Variants in ZFYVE26 observed in about 807,000 individuals in gnomAD.
ZFYVE26 encodes the protein zinc finger FYVE domain-containing protein 26.
Under a neutral mutation model 276.5 loss-of-function variants are expected in ZFYVE26, and 181 were observed. The ratio of observed to expected loss-of-function variants is 0.65; its 90% confidence interval spans 0.58 to 0.74. The LOEUF (loss-of-function observed/expected upper bound fraction) is 0.74, where lower values mean the gene tolerates loss of function less well. ZFYVE26 is among the 30% of genes least tolerant of loss of function. ZFYVE26 has a pLI of 0.00. For missense variants in ZFYVE26, 2,821 were observed against 3,097.9 expected (o/e 0.91, Z 2.12); for synonymous variants, 1,129 against 1,203.1 (o/e 0.94, Z 1.27).
intron 3 of ZFYVE26, among the ~76,000 whole-genome samples, chr14:67,811,076 A>G (rs1010803245): frequency 5.9e-5 from 9 of 152,210 alleles, no homozygotes; most frequent in Non-Finnish European, 1.2e-4. Context: ...GAATGCTTGT[A>G]TAATGCCTGT....
chr14:67,807,823 A>T lies in ZFYVE26; in HGVS notation c.461T>A (p.Val154Asp). ...CCTCAGGAGATCCCAGAGCACAGAGACAGCTTCGGAGCTGAGACGAGGAGT... is the reference window on the plus strand; with the variant it reads ...CCTCAGGAGATCCCAGAGCACAGAGTCAGCTTCGGAGCTGAGACGAGGAGT... ...SWTPRLSSEA[V>D]SVLWDLLRQS... is the part of the protein sequence containing the mutation. Residue 154 changes from valine (V) to aspartate (D), a missense_variant, in exon 5 of 42, where the codon GTC becomes GAC. Coordinates refer to ENST00000347230, the MANE Select transcript of ZFYVE26 (RefSeq NM_015346.4). 1 of 1,614,046 alleles carries T rather than the reference A, an allele frequency of 6.2e-7. No individual in the cohort carries two copies.
At chr14:67,815,603 G>A (rs1285829986) in intron 2 of ZFYVE26, 167 bp downstream of exon 2, 2 of 706,340 alleles carry the variant, frequency 2.8e-6, no homozygotes, top group Admixed American at 2.1e-5. Context: ...TATTGACTAA[G>A]TAATGGATGT....
At chr14:67,754,944 A>G in intron 37 of ZFYVE26, 107 bp downstream of exon 37, 1 of 1,306,542 alleles carries the variant, frequency 7.7e-7, no homozygotes, top group Non-Finnish European at 1.1e-6. Flanking sequence ...TTCCCTTTAG[A>G]TTTTTTTTCA....
At chr14:67,779,287 G>A (rs1183735111) in intron 23 of ZFYVE26, among the ~76,000 whole-genome samples, 1 of 152,202 alleles carries the variant, frequency 6.6e-6, no homozygotes, top group Non-Finnish European at 1.5e-5. Context: ...AAGGGGCCAG[G>A]TGCTGTAGCT....
intron 12 of ZFYVE26, chr14:67,797,321 A>T (rs2039974795): frequency 3.0e-6 from 1 of 328,758 alleles, no homozygotes; most frequent in African/African-American, 2.1e-5. Flanking sequence ...GGTGTTTCTG[A>T]CAATGGAATA....
At chr14:67,816,144 C>T (rs1298668836) in intron 1 of ZFYVE26, 98 bp from the exon 2 acceptor site, 2 of 573,368 alleles carry the variant, frequency 3.5e-6, no homozygotes, top group Non-Finnish European at 6.1e-6. Context: ...GACTTGCTTG[C>T]CTAAGTATCG....
chr14:67,748,758 C>T (rs1008400456), intron 41 of ZFYVE26, 119 bp from the exon 42 acceptor site: 5 of 984,170 alleles, frequency 5.1e-6, no homozygotes, highest in Non-Finnish European at 7.9e-6. Context: ...ACGTTCATAA[C>T]AGGATTCATG....
chr14:67,777,762 G>A (rs372252258), intron 24 of ZFYVE26, 27 bp from the exon 25 acceptor site: 49 of 1,613,750 alleles, frequency 3.0e-5, no homozygotes, highest in Non-Finnish European at 4.0e-5. Flanking sequence ...GAGGAGGAAG[G>A]TGTGGCCTGC....
At chr14:67,796,253 G>A (rs2039950338) in intron 12 of ZFYVE26, 1 of 144,996 alleles carries the variant, frequency 6.9e-6, no homozygotes, top group African/African-American at 2.6e-5. Context: ...TTCTCACTCT[G>A]TCACCCAGGC....
At chr14:67,764,838 G>A (rs1364207970) in intron 32 of ZFYVE26, among the ~76,000 whole-genome samples, 1 of 152,130 alleles carries the variant, frequency 6.6e-6, no homozygotes, top group African/African-American at 2.4e-5. Context: ...CTGCTGCCCT[G>A]AGCCTAAAAA....
chr14:67,813,914 G>A (rs183269488), intron 3 of ZFYVE26, 72 bp downstream of exon 3: 1 of 1,076,532 alleles, frequency 9.3e-7, no homozygotes, highest in Admixed American at 1.8e-5. Context: ...AGACAGAAGG[G>A]AAATCCCACA....
chr14:67,811,956 CAT>C (rs1490549205), intron 3 of ZFYVE26, among the ~76,000 whole-genome samples: 11 of 142,018 alleles, frequency 7.7e-5, no homozygotes, highest in Non-Finnish European at 1.4e-4. Context: ...TTACATATAA[CAT>C]ATTATATATG....
chr14:67,768,552 A>C lies in ZFYVE26; in HGVS notation c.5622-4T>G. 5.6e-6 allele frequency: 9 copies of C among 1,614,092 alleles called. No homozygotes were observed. Among genetic ancestry groups the C allele is most frequent in the Non-Finnish European group, 7.6e-6 (9 of 1,179,946 alleles). On this transcript the variant is annotated splice_region_variant and splice_polypyrimidine_tract_variant and intron_variant, in intron 29 of 41. Transcript: ENST00000347230. ...TTCTGAAGGCTCCTCTGGTACACTG[A>C]AAACAGAGAAAGAAAAATTATTAAA...
At chr14:67,800,855 G>A (rs1373476374) in intron 10 of ZFYVE26, among the ~76,000 whole-genome samples, 1 of 151,838 alleles carries the variant, frequency 6.6e-6, no homozygotes, top group African/African-American at 2.4e-5. Flanking sequence ...ATAATTTAAT[G>A]CAGGTTGTTT....
Position 67,807,716 on chromosome 14 carries a change from GCAGAGGCCAGTGA to G in ZFYVE26, c.555_567del (p.His186ArgfsTer25), listed in dbSNP as rs1383149410. The G allele has an allele frequency of 1.2e-6, 2 of 1,614,052 alleles. No homozygotes were observed. Among genetic ancestry groups the G allele is most frequent in the East Asian group, 2.2e-5 (1 of 44,884 alleles). ...CGAATGAGGTCCACCAGTGCATTCT[GCAGAGGCCAGTGA>G]CAGAGGCCAGTACCGTCATCCTCCT... On this transcript the variant is annotated frameshift_variant, in exon 5 of 42. Coordinates refer to ENST00000347230, the MANE Select transcript of ZFYVE26 (RefSeq NM_015346.4). LOFTEE classifies it high-confidence loss of function.
intron 25 of ZFYVE26, 21 bp downstream of exon 25, chr14:67,777,538 G>A (rs1566878480): frequency 6.2e-7 from 1 of 1,613,040 alleles, no homozygotes; most frequent in African/African-American, 1.3e-5. Context: ...ACAGCGCCTG[G>A]ATTTCACGGT....
chr14:67,758,675 G>A (rs981923533), intron 35 of ZFYVE26, among the ~76,000 whole-genome samples: 2 of 151,918 alleles, frequency 1.3e-5, no homozygotes, highest in Non-Finnish European at 1.5e-5. Flanking sequence ...TTACTCTGTC[G>A]CCCAGGCTGG....
intron 13 of ZFYVE26, 142 bp from the exon 14 acceptor site, chr14:67,793,901 A>G (rs1207067537): frequency 1.7e-6 from 2 of 1,199,198 alleles, no homozygotes; most frequent in Non-Finnish European, 2.4e-6. Context: ...TTTTTCCTCA[A>G]ATGAAGGGCA....
intron 35 of ZFYVE26, among the ~76,000 whole-genome samples, chr14:67,757,259 G>C (rs2038802428): frequency 6.6e-6 from 1 of 152,238 alleles, no homozygotes; most frequent in Non-Finnish European, 1.5e-5. Context: ...ACTGAAGCCA[G>C]ATCACGTTAC....
Sources: gnomAD v4.1 joint callset for allele counts (sites outside exome capture counted in the v4.1 genomes callset) on GRCh38, gnomAD v4.1.1 for gene constraint, MANE v1.5 for transcripts, NCBI Gene and HGNC (gene_info 2026-07-23, HGNC 2026-07-21) for gene names.